The following MIPOL1 variants were observed in gnomAD, a reference collection of about 807,000 sequenced individuals.
MIPOL1 encodes the protein mirror-image polydactyly gene 1 protein.
In MIPOL1, 57 loss-of-function variants were observed where a neutral mutation model predicts 60.9. The observed-to-expected ratio is 0.94, with a 90% CI of 0.76 to 1.17. MIPOL1 has a LOEUF of 1.17. MIPOL1 is among the 50% of genes most tolerant of loss of function. MIPOL1 has a pLI of 0.00. For synonymous variants in MIPOL1, 179 were observed against 168.8 expected, an observed-to-expected ratio of 1.06 and a Z score of -0.47; for missense variants, 551 against 511.6, an observed-to-expected ratio of 1.08 and a Z score of -0.74.
chr14:37,319,031 G>A (rs149858251), intron 9 of MIPOL1, among the ~76,000 whole-genome samples: 1 of 152,084 alleles, frequency 6.6e-6, no homozygotes, highest in Non-Finnish European at 1.5e-5. Flanking sequence ...TGTAGAGACG[G>A]GGTTTCACCA....
chr14:37,421,304 T>C (rs1318141816), intron 10 of MIPOL1, among the ~76,000 whole-genome samples: 2 of 152,148 alleles, frequency 1.3e-5, no homozygotes, highest in Non-Finnish European at 2.9e-5. Context: ...TACGTAGCAC[T>C]GGCACATATT....
intron 1 of MIPOL1, among the ~76,000 whole-genome samples, chr14:37,231,555 A>G (rs1283589324): frequency 6.6e-6 from 1 of 152,166 alleles, no homozygotes; most frequent in East Asian, 1.9e-4. Flanking sequence ...TTCTGCATTT[A>G]CCAGTTGATT....
chr14:37,215,414 GA>G (rs1967478192), intron 1 of MIPOL1, among the ~76,000 whole-genome samples: 1 of 151,654 alleles, frequency 6.6e-6, no homozygotes, highest in Admixed American at 6.6e-5. Context: ...CACACGGGGA[GA>G]AAAACCCACT....
At chr14:37,446,712 G>A (rs1297748101) in intron 11 of MIPOL1, among the ~76,000 whole-genome samples, 1 of 152,070 alleles carries the variant, frequency 6.6e-6, no homozygotes, top group Non-Finnish European at 1.5e-5. Context: ...AAGAAAATGT[G>A]GCACATATGC....
At chr14:37,308,032 G>T in intron 7 of MIPOL1, 24 bp from the exon 8 acceptor site, 2 of 1,606,458 alleles carry the variant, frequency 1.2e-6, no homozygotes, top group East Asian at 2.2e-5. Flanking sequence ...TACTGATCAG[G>T]CTTTCTGTGT....
At chr14:37,347,497 G>C (rs1373351746) in intron 9 of MIPOL1, among the ~76,000 whole-genome samples, 1 of 152,126 alleles carries the variant, frequency 6.6e-6, no homozygotes, top group African/African-American at 2.4e-5. Context: ...ATGAGTTGTA[G>C]ATCTAATATG....
intron 9 of MIPOL1, among the ~76,000 whole-genome samples, chr14:37,365,624 G>A (rs1388164612): frequency 2.0e-5 from 3 of 152,016 alleles, no homozygotes; most frequent in African/African-American, 7.2e-5. Context: ...TTTTGTTGAG[G>A]ATTTTTGCAT....
At chr14:37,544,221 C>T (rs569577941) in intron 12 of MIPOL1, among the ~76,000 whole-genome samples, 1 of 152,264 alleles carries the variant, frequency 6.6e-6, no homozygotes, top group East Asian at 1.9e-4. Context: ...AACAAAACAA[C>T]AACCATAGTG....
Position 37,399,026 on chromosome 14 carries a change from T to C in MIPOL1, c.937-23829T>C, listed in dbSNP as rs1245597822. Among the ~76,000 whole-genome samples the C allele has an allele frequency of 4.6e-5, 7 of 152,228 alleles. No homozygotes were observed. In the South Asian group the frequency reaches 1.0e-3, roughly 23 times the overall value. On this transcript the variant is annotated intron_variant, in intron 10 of 12. Coordinates refer to ENST00000684589, the MANE Select transcript of MIPOL1 (RefSeq NM_001388067.1). Reference sequence around the variant, plus strand: ...CCATATTTTGACACATCACTTGATATACTATAGAAAGCAAGATTGCAATTA... The same window carrying C: ...CCATATTTTGACACATCACTTGATACACTATAGAAAGCAAGATTGCAATTA...
At chr14:37,420,474 G>A (rs2093852034) in intron 10 of MIPOL1, among the ~76,000 whole-genome samples, 1 of 152,114 alleles carries the variant, frequency 6.6e-6, no homozygotes, top group Non-Finnish European at 1.5e-5. Context: ...TAATTTCCTT[G>A]ATATTTTTGA....
chr14:37,453,537 C>G (rs1044060958), intron 11 of MIPOL1, among the ~76,000 whole-genome samples: 1 of 152,000 alleles, frequency 6.6e-6, no homozygotes, highest in African/African-American at 2.4e-5. Flanking sequence ...ACCTGCTTGA[C>G]TCTGAGTAAT....
intron 9 of MIPOL1, among the ~76,000 whole-genome samples, chr14:37,365,468 T>C (rs1160855942): frequency 6.6e-6 from 1 of 152,186 alleles, no homozygotes; most frequent in African/African-American, 2.4e-5. Flanking sequence ...GAAATGATCA[T>C]ATGGTTTTTG....
At chr14:37,305,212 T>C (rs2086680031) in intron 7 of MIPOL1, among the ~76,000 whole-genome samples, 1 of 151,848 alleles carries the variant, frequency 6.6e-6, no homozygotes, top group Non-Finnish European at 1.5e-5. Flanking sequence ...TTTCTGAAAA[T>C]TATTTTTGTT....
At chr14:37,351,414 G>A (rs1260898546) in intron 9 of MIPOL1, among the ~76,000 whole-genome samples, 7 of 151,088 alleles carry the variant, frequency 4.6e-5, no homozygotes, top group Admixed American at 4.6e-4. Context: ...AGTCCTTTGG[G>A]TATATACCCA....
chr14:37,411,128 A>T (rs2093674735), intron 10 of MIPOL1, among the ~76,000 whole-genome samples: 1 of 152,172 alleles, frequency 6.6e-6, no homozygotes, highest in East Asian at 1.9e-4. Context: ...AGCATATCAG[A>T]CAAACACTAT....
intron 12 of MIPOL1, among the ~76,000 whole-genome samples, chr14:37,546,577 T>C (rs2095548330): frequency 6.6e-6 from 1 of 152,214 alleles, no homozygotes; most frequent in East Asian, 1.9e-4. Context: ...ATTTAATATG[T>C]GATCCTGTCA....
At chr14:37,521,911 T>TATATATA (rs1555367648) in intron 12 of MIPOL1, among the ~76,000 whole-genome samples, 135 of 118,208 alleles carry the variant, frequency 1.1e-3, no homozygotes, top group African/African-American at 1.8e-3. Context: ...TATATATATA[T>TATATATA]TTTTTTTTTC....
chr14:37,264,577 A>G (rs763647631), intron 3 of MIPOL1, among the ~76,000 whole-genome samples: 7 of 152,090 alleles, frequency 4.6e-5, no homozygotes, highest in Non-Finnish European at 1.0e-4. Flanking sequence ...GCAGCGAGCC[A>G]TGATTGTGCT....
At chr14:37,337,223 C>G (rs998036055) in intron 9 of MIPOL1, among the ~76,000 whole-genome samples, 3 of 149,640 alleles carry the variant, frequency 2.0e-5, no homozygotes, top group African/African-American at 7.4e-5. Flanking sequence ...TCTTTGTCAG[C>G]TATCTTACTG....
Sources: allele counts gnomAD v4.1 joint callset (sites outside exome capture counted in the v4.1 genomes callset), GRCh38; gene constraint gnomAD v4.1.1; transcripts MANE v1.5; gene names NCBI Gene and HGNC (gene_info 2026-07-23, HGNC 2026-07-21).